The following KCNN2 variants were observed in gnomAD, a reference collection of about 807,000 sequenced individuals.
KCNN2 encodes the protein small conductance calcium-activated potassium channel protein 2.
KCNN2 carries 24 observed loss-of-function variants against 55.5 expected under a neutral mutation model. The ratio of observed to expected loss-of-function variants is 0.43; its 90% CI spans 0.31 to 0.61. The LOEUF (loss-of-function observed/expected upper bound fraction) is 0.61. Among genes scored for constraint, KCNN2 ranks in the 20% least tolerant of loss-of-function variants. The pLI, the probability that KCNN2 is intolerant of heterozygous loss-of-function variation, is 0.08. For synonymous variants in KCNN2, 431 were observed against 336.1 expected (o/e 1.28, Z -3.09); for missense variants, 754 against 853.6 (o/e 0.88, Z 1.45).
exon 1 of KCNN2, chr5:114,056,150 C>T (rs1228061607): frequency 6.4e-5 from 25 of 388,098 alleles, no homozygotes; most frequent in Non-Finnish European, 1.1e-4. Flanking sequence ...GGGAGCTGGG[C>T]GCCCAAAAGT....
chr5:114,361,422 G>T (rs763286971), upstream of KCNN2, among the ~76,000 whole-genome samples: 1 of 152,212 alleles, frequency 6.6e-6, no homozygotes, highest in African/African-American at 2.4e-5. Flanking sequence ...GCAGGGCTCA[G>T]GCCCCGGGAT....
intron 1 of KCNN2, among the ~76,000 whole-genome samples, chr5:114,137,776 A>C (rs1752202913): frequency 6.6e-6 from 1 of 152,174 alleles, no homozygotes; most frequent in African/African-American, 2.4e-5. Context: ...GAGAAGAATT[A>C]AACAAGAATA....
At chr5:114,451,853 C>CG (rs1197036568) in intron 3 of KCNN2, among the ~76,000 whole-genome samples, 1 of 150,636 alleles carries the variant, frequency 6.6e-6, no homozygotes, top group East Asian at 2.0e-4. Flanking sequence ...GCCAAGATCA[C>CG]GCCACTACAC....
intron 2 of KCNN2, among the ~76,000 whole-genome samples, chr5:114,284,193 T>C (rs2150014234): frequency 6.6e-6 from 1 of 152,342 alleles, no homozygotes; most frequent in East Asian, 1.9e-4. Context: ...AGAAATTCCC[T>C]AATATCTTAG....
chr5:114,389,803 C>T (rs1316210222), intron 2 of KCNN2, among the ~76,000 whole-genome samples: 1 of 152,136 alleles, frequency 6.6e-6, no homozygotes, highest in East Asian at 1.9e-4. Context: ...AGGAGGTCAT[C>T]TAAGACCAGG....
intron 1 of KCNN2, among the ~76,000 whole-genome samples, chr5:114,206,958 C>T (rs1052899632): frequency 6.6e-6 from 1 of 152,158 alleles, no homozygotes; most frequent in Non-Finnish European, 1.5e-5. Context: ...GCCTTTTCTC[C>T]GTATTTCTCA....
intron 3 of KCNN2, 40 bp from the exon 4 acceptor site, chr5:114,463,009 G>GATTA: frequency 6.3e-7 from 1 of 1,590,462 alleles, no homozygotes; most frequent in South Asian, 1.1e-5. Flanking sequence ...TCATATTGGA[G>GATTA]ATTAATTATA....
intron 2 of KCNN2, among the ~76,000 whole-genome samples, chr5:114,293,700 G>T (rs576191548): frequency 6.6e-6 from 1 of 152,284 alleles, no homozygotes; most frequent in East Asian, 1.9e-4. Flanking sequence ...GATGATGCTG[G>T]CCTCATAAAA....
chr5:114,227,943 A>G (rs1260264549), intron 2 of KCNN2, among the ~76,000 whole-genome samples: 3 of 152,148 alleles, frequency 2.0e-5, no homozygotes, highest in Non-Finnish European at 4.4e-5. Flanking sequence ...TCCTTCATTC[A>G]GTAAACATTT....
rs182408059 is a variant in KCNN2, at chr5:114,247,909, T to C, written c.-185+26344T>C. ...TTTAATTGGAAGCCCTCCTTGTGCA[T>C]CTCAGTATAATTATCTTCAGAATTC... On this transcript the variant is annotated intron_variant, in intron 2 of 10. Coordinates refer to the KCNN2 transcript ENST00000512097. 1.1e-4 allele frequency among the ~76,000 whole-genome samples: 17 copies of C among 151,966 alleles called. No homozygotes were observed. In the East Asian group the frequency reaches 3.3e-3, roughly 29 times the overall value.
intron 2 of KCNN2, among the ~76,000 whole-genome samples, chr5:114,332,274 G>A (rs1463939794): frequency 6.6e-6 from 1 of 152,188 alleles, no homozygotes; most frequent in Non-Finnish European, 1.5e-5. Flanking sequence ...CCCACTGCCT[G>A]CATGGGATGT....
rs192150608 is a variant in KCNN2, at chr5:114,435,425, A to G, written c.1638-27624A>G. ...TTTTTTATTTTCTTGTTGTGAGGATAGGAACGATGAGTCTCAAACTCCTTT... is the reference window on the plus strand; with the variant it reads ...TTTTTTATTTTCTTGTTGTGAGGATGGGAACGATGAGTCTCAAACTCCTTT... On this transcript the variant is annotated intron_variant, in intron 3 of 7. Transcript: ENST00000673685. Among the ~76,000 whole-genome samples the G allele has an allele frequency of 1.6e-4, 24 of 152,288 alleles. No homozygotes were observed. The East Asian group carries it at 4.4e-3, about 28-fold the overall frequency.
At chr5:114,195,390 G>C (rs1019439381) in intron 1 of KCNN2, among the ~76,000 whole-genome samples, 1 of 151,866 alleles carries the variant, frequency 6.6e-6, no homozygotes, top group African/African-American at 2.4e-5. Flanking sequence ...TTTTAAGGCT[G>C]TGTCTTAAAC....
chr5:114,156,239 A>G (rs1481640749), intron 1 of KCNN2, among the ~76,000 whole-genome samples: 6 of 152,018 alleles, frequency 3.9e-5, no homozygotes, highest in Non-Finnish European at 5.9e-5. Context: ...CCATTAATCT[A>G]TGTGTCTGTT....
At chr5:114,329,723 A>T (rs939482591) in intron 2 of KCNN2, among the ~76,000 whole-genome samples, 1 of 152,078 alleles carries the variant, frequency 6.6e-6, no homozygotes, top group Non-Finnish European at 1.5e-5. Context: ...TTATATATAC[A>T]TATATCCTTT....
chr5:114,294,876 AT>A (rs1251392957), intron 2 of KCNN2, among the ~76,000 whole-genome samples: 2 of 152,104 alleles, frequency 1.3e-5, no homozygotes, highest in African/African-American at 4.8e-5. Flanking sequence ...GTGCATATAT[AT>A]TTAGGATAGT....
Position 114,363,030 on chromosome 5 carries a change from C to T in KCNN2, c.891C>T (p.Gly297=), listed in dbSNP as rs1757489613. 6.2e-7 allele frequency: 1 copy of T among 1,603,326 alleles called. No homozygotes were observed. The change falls in exon 1 of 8, where the codon GGC becomes GGT. Residue 297 remains glycine (G), a synonymous_variant. Transcript: ENST00000673685. ...ACAACCTGGCGCTCTATGGAACCGG[C>T]GGCGGAGGCAGCACTGGAGGAGGCG... ...NSNNLALYGT[G]GGGSTGGGGG...
intron 1 of KCNN2, among the ~76,000 whole-genome samples, chr5:114,095,260 G>A (rs974406335): frequency 2.0e-5 from 3 of 152,152 alleles, no homozygotes; most frequent in Non-Finnish European, 2.9e-5. Flanking sequence ...ATAAATACCT[G>A]CTTAATAATA....
At chr5:114,164,577 A>C (rs1343247691) in intron 1 of KCNN2, among the ~76,000 whole-genome samples, 1 of 152,194 alleles carries the variant, frequency 6.6e-6, no homozygotes, top group Non-Finnish European at 1.5e-5. Flanking sequence ...CAAGTTATCC[A>C]ACAATAATAT....
Sources: allele counts gnomAD v4.1 joint callset (sites outside exome capture counted in the v4.1 genomes callset), GRCh38; gene constraint gnomAD v4.1.1; transcripts MANE v1.5; gene names NCBI Gene and HGNC (gene_info 2026-07-23, HGNC 2026-07-21).